Variants in APLF observed in about 807,000 individuals in gnomAD.
APLF encodes aprataxin and PNKP like factor.
In APLF, 61 loss-of-function variants were observed where a neutral mutation model predicts 55.6. That is an observed-to-expected ratio of 1.10 (90% CI 0.89 to 1.36). The LOEUF (loss-of-function observed/expected upper bound fraction) is 1.36. APLF is among the 40% of genes most tolerant of loss of function. APLF has a pLI of 0.00. For missense variants in APLF, 611 were observed against 602.5 expected (o/e 1.01, Z -0.15); for synonymous variants, 207 against 214.8 (o/e 0.96, Z 0.32).
At chr2:68,570,688 T>G (rs1270853569) in intron 9 of APLF, among the ~76,000 whole-genome samples, 3 of 152,216 alleles carry the variant, frequency 2.0e-5, no homozygotes, top group African/African-American at 7.2e-5. Flanking sequence ...TAATCCAGTC[T>G]ATCATTGTTG....
At chr2:68,501,273 G>C (rs1676712591) in intron 2 of APLF, among the ~76,000 whole-genome samples, 1 of 152,124 alleles carries the variant, frequency 6.6e-6, no homozygotes, top group Non-Finnish European at 1.5e-5. Flanking sequence ...CTTCAAAGAT[G>C]TGTCTTTTTT....
intron 1 of APLF, among the ~76,000 whole-genome samples, chr2:68,477,598 C>G (rs1042108543): frequency 1.3e-5 from 2 of 152,168 alleles, no homozygotes; most frequent in Non-Finnish European, 2.9e-5. Context: ...CATGACTGCA[C>G]CATTTTACTC....
chr2:68,516,949 TAA>T (rs1558538251), intron 5 of APLF, among the ~76,000 whole-genome samples: 1 of 125,990 alleles, frequency 7.9e-6, no homozygotes, highest in Non-Finnish European at 1.6e-5. Context: ...ATAATATATA[TAA>T]TATAATATAT....
At chr2:68,489,298 T>G (rs1676281987) in intron 1 of APLF, among the ~76,000 whole-genome samples, 2 of 152,228 alleles carry the variant, frequency 1.3e-5, no homozygotes, top group Non-Finnish European at 2.9e-5. Context: ...ATTTTGGTCC[T>G]TATGCGGATA....
chr2:68,500,737 A>G (rs1200997683), intron 2 of APLF, among the ~76,000 whole-genome samples: 2 of 152,178 alleles, frequency 1.3e-5, no homozygotes, highest in Non-Finnish European at 2.9e-5. Flanking sequence ...TTAGTTCAAC[A>G]TTCCTGACTC....
intron 1 of APLF, among the ~76,000 whole-genome samples, chr2:68,473,083 G>T (rs530665576): frequency 6.6e-6 from 1 of 152,210 alleles, no homozygotes; most frequent in South Asian, 2.1e-4. Flanking sequence ...CATCTTATGG[G>T]TTTTGACAAA....
intron 1 of APLF, among the ~76,000 whole-genome samples, chr2:68,479,968 C>G (rs752712460): frequency 6.6e-6 from 1 of 152,180 alleles, no homozygotes; most frequent in Middle Eastern, 3.4e-3. Context: ...CTCTTCCTTA[C>G]GATTTTCTGA....
intron 5 of APLF, among the ~76,000 whole-genome samples, chr2:68,518,628 ATAATAATATATCAT>A (rs1208678349): frequency 2.6e-5 from 3 of 113,668 alleles, no homozygotes; most frequent in Non-Finnish European, 5.2e-5. Flanking sequence ...TCATGAATAT[ATAATAATATATCAT>A]TAATATATCA....
Position 68,513,555 on chromosome 2 carries a change from T to C in APLF, c.497T>C (p.Leu166Pro), listed in dbSNP as rs759407005. 25 of 1,610,228 alleles carry C rather than the reference T, an allele frequency of 1.6e-5. No homozygotes were observed. The highest frequency in any genetic ancestry group is 2.0e-5 in the Non-Finnish European group (24 of 1,177,876). Reference protein sequence around the residue: ...QMTPTNSVSFLGENRDCNKQQ... With the variant: ...QMTPTNSVSFPGENRDCNKQQ... The stretch of plus-strand genomic sequence containing the variant: ...TTATAGGTGTCTTTTTAGTCTTTCC[T>C]AGGTGAAAATAGAGACTGCAATAAG... Residue 166 changes from leucine (L) to proline (P), a missense_variant, in exon 5 of 10, where the codon CTA becomes CCA. Transcript: ENST00000303795.
At position 68,578,272 on chromosome 2, in the gene APLF, A is replaced by G; in HGVS notation, c.*250A>G. Reference sequence around the variant, plus strand: ...AATAGGAAGACAGAGAAGGTAGAGTAAAAATGGATATTTTTTATGTACTTT... The same window carrying G: ...AATAGGAAGACAGAGAAGGTAGAGTGAAAATGGATATTTTTTATGTACTTT... On this transcript the variant is annotated 3_prime_UTR_variant, in exon 10 of 10. Transcript: ENST00000303795. The G allele has an allele frequency of 8.3e-7, 1 of 1,208,798 alleles. No homozygotes were observed. Among genetic ancestry groups the G allele is most frequent in the Non-Finnish European group, 1.0e-6 (1 of 967,072 alleles). The allele number at this position is 1,208,798 out of a possible 1,614,324, so 74.9% of individuals were successfully genotyped here.
chr2:68,470,711 T>G (rs1163812626), intron 1 of APLF, among the ~76,000 whole-genome samples: 1 of 152,232 alleles, frequency 6.6e-6, no homozygotes, highest in Non-Finnish European at 1.5e-5. Context: ...ATGACACATT[T>G]CTTTATGATC....
chr2:68,534,209 T>A (rs13016244), intron 6 of APLF, among the ~76,000 whole-genome samples: 14,402 of 152,198 alleles, frequency 0.095, 824 homozygotes, highest in African/African-American at 0.15. Context: ...GGCAGAGAAC[T>A]CAGAGGCAGA....
At position 68,467,605 on chromosome 2, in the gene APLF, G is replaced by C. The variant is rs183568962; in HGVS notation, c.-127G>C. 6.5e-4 allele frequency: 469 copies of C among 724,130 alleles called. 1 individual carries two copies. The African/African-American group carries it at 7.7e-3, about 12-fold the overall frequency. The allele number at this position is 724,130 out of a possible 1,614,324, so 44.9% of individuals were successfully genotyped here. On this transcript the variant is annotated 5_prime_UTR_variant, in exon 1 of 10. Coordinates refer to ENST00000303795, the MANE Select transcript of APLF (RefSeq NM_173545.3). ...GCTCTGAGAGGACCGGCGCAGCCGC[G>C]GGGAGCCTTTGAGGCCCTCCCTCGG...
intron 5 of APLF, among the ~76,000 whole-genome samples, chr2:68,519,456 A>C (rs1669826567): frequency 6.7e-6 from 1 of 149,498 alleles, no homozygotes; most frequent in Non-Finnish European, 1.5e-5. Context: ...GTACAAAACA[A>C]TTCTGAAAGA....
At chr2:68,577,727 C>T in intron 9 of APLF, 93 bp from the exon 10 acceptor site, 1 of 1,455,752 alleles carries the variant, frequency 6.9e-7, no homozygotes, top group Non-Finnish European at 9.3e-7. Context: ...AAAATTAATC[C>T]TCTGGATGCA....
At chr2:68,516,916 T>A (rs1669596868) in intron 5 of APLF, among the ~76,000 whole-genome samples, 1 of 128,864 alleles carries the variant, frequency 7.8e-6, no homozygotes, top group Non-Finnish European at 1.6e-5. Context: ...ATATCCTATA[T>A]AACATTATAT....
At chr2:68,487,106 T>C (rs1436204093) in intron 1 of APLF, among the ~76,000 whole-genome samples, 3 of 152,174 alleles carry the variant, frequency 2.0e-5, no homozygotes, top group Non-Finnish European at 4.4e-5. Flanking sequence ...AGAATTTGGA[T>C]GACATATCTT....
chr2:68,574,961 C>T (rs1671581857), intron 9 of APLF, among the ~76,000 whole-genome samples: 1 of 152,134 alleles, frequency 6.6e-6, no homozygotes, highest in African/African-American at 2.4e-5. Flanking sequence ...ATTAAGTGCT[C>T]CCACATGTTA....
chr2:68,543,846 A>C (rs1362268710), intron 7 of APLF, among the ~76,000 whole-genome samples: 1 of 152,172 alleles, frequency 6.6e-6, no homozygotes, highest in Admixed American at 6.5e-5. Context: ...GCATACTAGT[A>C]TATATTTTCA....
Sources: allele counts gnomAD v4.1 joint callset (sites outside exome capture counted in the v4.1 genomes callset), GRCh38; gene constraint gnomAD v4.1.1; transcripts MANE v1.5; gene names NCBI Gene and HGNC (gene_info 2026-07-23, HGNC 2026-07-21).